Variants in CNTN4 observed in about 807,000 individuals in gnomAD.
CNTN4 encodes contactin 4.
A neutral mutation model predicts 122.5 loss-of-function variants in CNTN4; 77 were observed. The ratio of observed to expected loss-of-function variants is 0.63; its 90% confidence interval spans 0.52 to 0.76. The LOEUF (loss-of-function observed/expected upper bound fraction) is 0.76, where lower values mean the gene tolerates loss of function less well. CNTN4 is among the 30% of genes least tolerant of loss of function. The pLI is 0.00. For synonymous variants in CNTN4, 512 were observed against 447.0 expected (o/e 1.15, Z -1.83); for missense variants, 1,256 against 1,259.1 (o/e 1.00, Z 0.04).
At chr3:3,042,471 T>C in intron 21 of CNTN4, 49 bp downstream of exon 21, 1 of 1,180,924 alleles carries the variant, frequency 8.5e-7, no homozygotes, top group East Asian at 2.3e-5. Context: ...CTATGCCCCT[T>C]GATAAGTCCT....
intron 6 of CNTN4, among the ~76,000 whole-genome samples, chr3:2,749,413 T>C (rs921163142): frequency 6.6e-6 from 1 of 151,468 alleles, no homozygotes; most frequent in Admixed American, 6.6e-5. Flanking sequence ...TCTCAAGTGA[T>C]CCACCCGCCT....
At chr3:2,908,380 G>A (rs754579091) in intron 12 of CNTN4, among the ~76,000 whole-genome samples, 39 of 152,162 alleles carry the variant, frequency 2.6e-4, no homozygotes, top group Non-Finnish European at 1.0e-4. Context: ...GGTAAATATA[G>A]AGGATAGCTA....
chr3:2,729,788 C>T (rs2088541689), intron 4 of CNTN4, among the ~76,000 whole-genome samples: 1 of 151,124 alleles, frequency 6.6e-6, no homozygotes, highest in Non-Finnish European at 1.5e-5. Context: ...TTGGCACGCG[C>T]CTGTAATACC....
chr3:3,030,943 G>A lies in CNTN4; in HGVS notation c.1751G>A (p.Arg584Lys). ...YVCMVQTSVD[R>K]LSAAADLIVR... Reference sequence around the variant, plus strand: ...TGCATGGTCCAAACAAGTGTGGACAGGCTATCTGCTGCTGCAGACCTGATT... The same window carrying A: ...TGCATGGTCCAAACAAGTGTGGACAAGCTATCTGCTGCTGCAGACCTGATT... Residue 584 changes from arginine (R) to lysine (K), a missense_variant, in exon 16 of 25, where the codon AGG becomes AAG. Arg to Lys is a conservative substitution (Grantham distance 26). Transcript: ENST00000418658. The A allele has an allele frequency of 6.2e-7, 1 of 1,614,082 alleles. No homozygotes were observed. Among genetic ancestry groups the A allele is most frequent in the Non-Finnish European group, 8.5e-7 (1 of 1,179,934 alleles).
At chr3:2,767,993 T>G (rs935967773) in intron 6 of CNTN4, among the ~76,000 whole-genome samples, 2 of 152,210 alleles carry the variant, frequency 1.3e-5, no homozygotes, top group African/African-American at 4.8e-5. Flanking sequence ...CTAGAAAACA[T>G]TTGCATATAA....
At chr3:2,864,342 A>C (rs1218533365) in intron 7 of CNTN4, among the ~76,000 whole-genome samples, 1 of 152,112 alleles carries the variant, frequency 6.6e-6, no homozygotes, top group Non-Finnish European at 1.5e-5. Flanking sequence ...CCATTTTCCC[A>C]ATATCGACTT....
intron 2 of CNTN4, among the ~76,000 whole-genome samples, chr3:2,296,547 A>G (rs1720201): frequency 0.32 from 47,935 of 151,956 alleles, 8,081 homozygotes; most frequent in East Asian, 0.58. Flanking sequence ...TTTGAGTACT[A>G]ACTGGAGGAG....
chr3:2,920,558 A>T (rs999897150), intron 12 of CNTN4, among the ~76,000 whole-genome samples: 9 of 152,006 alleles, frequency 5.9e-5, no homozygotes, highest in Non-Finnish European at 1.3e-4. Context: ...GTGGGTCTAT[A>T]ATTATTTCAA....
intron 4 of CNTN4, among the ~76,000 whole-genome samples, chr3:2,649,887 G>C (rs570298123): frequency 1.8e-4 from 28 of 151,760 alleles, no homozygotes; most frequent in Non-Finnish European, 3.1e-4. Context: ...CTAGCACTTT[G>C]AGAGGCTGAG....
At chr3:2,113,755 A>T (rs1236371454) in intron 2 of CNTN4, among the ~76,000 whole-genome samples, 1 of 152,206 alleles carries the variant, frequency 6.6e-6, no homozygotes, top group Non-Finnish European at 1.5e-5. Flanking sequence ...GGAATAGACA[A>T]TGCTTTGAAA....
chr3:2,858,416 G>T (rs9855576), intron 7 of CNTN4, among the ~76,000 whole-genome samples: 48,457 of 152,102 alleles, frequency 0.32, 7,908 homozygotes, highest in Non-Finnish European at 0.36. Context: ...TGAGGACTAT[G>T]TTTGTTTCAA....
chr3:2,299,906 C>T (rs151315293), intron 2 of CNTN4, among the ~76,000 whole-genome samples: 306 of 152,060 alleles, frequency 2.0e-3, no homozygotes, highest in African/African-American at 6.8e-3. Flanking sequence ...TAGCGTTTAC[C>T]GCATTAAAAT....
intron 23 of CNTN4, among the ~76,000 whole-genome samples, chr3:3,044,885 C>T (rs1700483274): frequency 6.6e-6 from 1 of 152,208 alleles, no homozygotes; most frequent in African/African-American, 2.4e-5. Flanking sequence ...ACAGACAGCA[C>T]CTGGAAGATC....
At chr3:2,592,363 C>A (rs1036193555) in intron 4 of CNTN4, among the ~76,000 whole-genome samples, 4 of 152,132 alleles carry the variant, frequency 2.6e-5, no homozygotes, top group Non-Finnish European at 5.9e-5. Context: ...AAATATAATT[C>A]AAAGTGTTTA....
chr3:2,199,586 G>A (rs961500967), intron 2 of CNTN4, among the ~76,000 whole-genome samples: 5 of 152,106 alleles, frequency 3.3e-5, no homozygotes, highest in African/African-American at 1.2e-4. Context: ...TTTAACATGT[G>A]CTAATTGAGT....
At chr3:2,860,872 G>C (rs1390437558) in intron 7 of CNTN4, among the ~76,000 whole-genome samples, 1 of 152,084 alleles carries the variant, frequency 6.6e-6, no homozygotes, top group Non-Finnish European at 1.5e-5. Context: ...GCCTTCTCCT[G>C]CTACCTGTTT....
At chr3:2,417,497 C>T (rs1299290165) in intron 3 of CNTN4, among the ~76,000 whole-genome samples, 1 of 152,148 alleles carries the variant, frequency 6.6e-6, no homozygotes, top group Non-Finnish European at 1.5e-5. Context: ...TGCTTCATTC[C>T]GATTCCCTCA....
At chr3:2,175,902 G>C (rs1244150200) in intron 2 of CNTN4, among the ~76,000 whole-genome samples, 1 of 152,164 alleles carries the variant, frequency 6.6e-6, no homozygotes, top group Non-Finnish European at 1.5e-5. Context: ...AAATAAAATA[G>C]TAGAGTTAGG....
Position 2,190,755 on chromosome 3 carries a change from C to T in CNTN4, c.-145+90116C>T, listed in dbSNP as rs542095079. On this transcript the variant is annotated intron_variant, in intron 2 of 24. Coordinates refer to ENST00000418658, the MANE Select transcript of CNTN4 (RefSeq NM_175607.3). Reference sequence around the variant, plus strand: ...TGGGCTTGCTGTTTTCTAAATTCAACCTTGCAGCATAGTGCATACATTGGT... The same window carrying T: ...TGGGCTTGCTGTTTTCTAAATTCAATCTTGCAGCATAGTGCATACATTGGT... Among the ~76,000 whole-genome samples the T allele has an allele frequency of 2.6e-5, 4 of 151,578 alleles. No homozygotes were observed. In the East Asian group the frequency reaches 7.8e-4, roughly 30 times the overall value.
Sources: gnomAD v4.1 joint callset for allele counts (sites outside exome capture counted in the v4.1 genomes callset) on GRCh38, gnomAD v4.1.1 for gene constraint, MANE v1.5 for transcripts, NCBI Gene and HGNC (gene_info 2026-07-23, HGNC 2026-07-21) for gene names.